LRRC37A2: variants seen among roughly 807,000 people sequenced by gnomAD.
LRRC37A2 encodes leucine-rich repeat-containing protein 37A2.
Under a neutral mutation model 68.8 loss-of-function variants are expected in LRRC37A2, and 9 were observed. The ratio of observed to expected loss-of-function variants is 0.13; its 90% CI spans 0.08 to 0.23. The LOEUF is 0.23. LRRC37A2 is among the 10% of genes least tolerant of loss of function. The pLI, the probability that LRRC37A2 is intolerant of heterozygous loss-of-function variation, is 1.00. For missense variants in LRRC37A2, 168 were observed against 950.4 expected (o/e 0.18, Z 10.82); for synonymous variants, 63 against 367.6 (o/e 0.17, Z 9.48).
At chr17:46,715,320 A>G in the LRRC37A2 span, among the ~76,000 whole-genome samples, 9 of 152,322 alleles carry the variant, frequency 5.9e-5, no homozygotes, top group South Asian at 1.9e-3. Context: ...ATTTCCCTAG[A>G]GTAGGTAGGG....
chr17:46,880,668 C>T, the LRRC37A2 span, among the ~76,000 whole-genome samples: 5 of 152,190 alleles, frequency 3.3e-5, no homozygotes, highest in Non-Finnish European at 5.9e-5. Context: ...TTGCAACTGG[C>T]AGGCAGTGGG....
At chr17:46,621,054 C>T in the LRRC37A2 span, among the ~76,000 whole-genome samples, 1 of 98,712 alleles carries the variant, frequency 1.0e-5, no homozygotes, top group East Asian at 3.6e-4. Flanking sequence ...GCTGAGAATG[C>T]GCCACTGCAT....
the LRRC37A2 span, among the ~76,000 whole-genome samples, chr17:47,000,081 T>A: frequency 0.33 from 4,923 of 14,990 alleles, 408 homozygotes; most frequent in East Asian, 0.37. Flanking sequence ...AAATAAAAAA[T>A]AAAATAAAAT....
At chr17:46,530,134 C>T (rs2053455389) in intron 6 of LRRC37A2, among the ~76,000 whole-genome samples, 1 of 136,848 alleles carries the variant, frequency 7.3e-6, no homozygotes, top group African/African-American at 2.5e-5. Flanking sequence ...TCAAGCTTTC[C>T]TTCTGCTTTG....
the LRRC37A2 span, among the ~76,000 whole-genome samples, chr17:46,788,469 A>G: frequency 1.5e-3 from 226 of 152,290 alleles, no homozygotes; most frequent in African/African-American, 4.6e-3. Flanking sequence ...AAGACAAGAC[A>G]TAGCCTGCCC....
At chr17:46,771,491 CGCGGGGGCG>C in the LRRC37A2 span, among the ~76,000 whole-genome samples, 3 of 149,648 alleles carry the variant, frequency 2.0e-5, no homozygotes, top group African/African-American at 4.9e-5. Context: ...GCCCCGGGAA[CGCGGGGGCG>C]GCGGGGGCGG....
the LRRC37A2 span, among the ~76,000 whole-genome samples, chr17:46,815,544 G>A: frequency 2.0e-5 from 3 of 152,270 alleles, no homozygotes; most frequent in Admixed American, 2.0e-4. Flanking sequence ...CTGACTGCCA[G>A]GCGGGGGGCT....
chr17:46,857,474 CAAAAAAAA>C, the LRRC37A2 span, among the ~76,000 whole-genome samples: 1 of 94,654 alleles, frequency 1.1e-5, no homozygotes, highest in Non-Finnish European at 2.4e-5. Context: ...GACTCTGTCT[CAAAAAAAA>C]AAAAAAAAAA....
the LRRC37A2 span, among the ~76,000 whole-genome samples, chr17:46,824,599 T>C: frequency 6.6e-6 from 1 of 152,250 alleles, no homozygotes; most frequent in African/African-American, 2.4e-5. Context: ...TTGCATATGT[T>C]GTCCGTCTCC....
At chr17:47,018,793 C>T in the LRRC37A2 span, 1 of 1,521,236 alleles carries the variant, frequency 6.6e-7, no homozygotes. Flanking sequence ...GCTCAACCTC[C>T]AGAGCATTCA....
the LRRC37A2 span, among the ~76,000 whole-genome samples, chr17:46,996,628 G>A: frequency 3.3e-5 from 5 of 152,210 alleles, no homozygotes; most frequent in Admixed American, 2.6e-4. Flanking sequence ...CTGGATTTAG[G>A]GCCTTAAAAC....
At chr17:46,551,229 TG>T (rs1413312496) in intron 11 of LRRC37A2, among the ~76,000 whole-genome samples, 1 of 149,106 alleles carries the variant, frequency 6.7e-6, no homozygotes, top group African/African-American at 2.6e-5. Flanking sequence ...CTGGCTACTC[TG>T]GGACAAGTCC....
At chr17:46,826,441 A>G in the LRRC37A2 span, among the ~76,000 whole-genome samples, 7 of 152,246 alleles carry the variant, frequency 4.6e-5, no homozygotes, top group Admixed American at 2.0e-4. Context: ...ACATCCCAGC[A>G]GGACCCACCT....
the LRRC37A2 span, chr17:46,876,234 C>T: frequency 9.4e-6 from 15 of 1,593,366 alleles, no homozygotes; most frequent in South Asian, 1.0e-4. Flanking sequence ...TCTGTTCTGC[C>T]TCCCCCACAG....
At chr17:46,816,925 C>T in the LRRC37A2 span, among the ~76,000 whole-genome samples, 1 of 152,226 alleles carries the variant, frequency 6.6e-6, no homozygotes, top group Non-Finnish European at 1.5e-5. Flanking sequence ...AGCCTTTCCC[C>T]AGACTGGCCG....
At chr17:46,851,516 C>A in the LRRC37A2 span, 1 of 433,062 alleles carries the variant, frequency 2.3e-6, no homozygotes, top group Non-Finnish European at 3.7e-6. This position sits in a 1 kb window ranked among gnomAD's most constrained non-coding sequence, Gnocchi z 4.3. Flanking sequence ...CTCCCAATCT[C>A]CTCCTTTCCC....
At chr17:47,009,657 G>A in the LRRC37A2 span, among the ~76,000 whole-genome samples, 1 of 152,306 alleles carries the variant, frequency 6.6e-6, no homozygotes, top group South Asian at 2.1e-4. Context: ...GCCATAAATG[G>A]TTCCTCATAA....
the LRRC37A2 span, among the ~76,000 whole-genome samples, chr17:46,854,531 T>G: frequency 3.3e-4 from 50 of 152,240 alleles, no homozygotes; most frequent in South Asian, 1.0e-2. Context: ...TCCCAATTTT[T>G]CAGATGAGGC....
the LRRC37A2 span, among the ~76,000 whole-genome samples, chr17:46,977,125 C>G: frequency 5.3e-5 from 8 of 152,162 alleles, no homozygotes; most frequent in African/African-American, 1.9e-4. Context: ...CAGGGACCAT[C>G]TGTGCCTTCG....
Sources: gnomAD v4.1 joint callset for allele counts (sites outside exome capture counted in the v4.1 genomes callset) on GRCh38, gnomAD v4.1.1 for gene constraint, Gnocchi (gnomAD v3.1) non-coding constraint, MANE v1.5 for transcripts, NCBI Gene and HGNC (gene_info 2026-07-23, HGNC 2026-07-21) for gene names.